CDH17: variants seen among roughly 807,000 people sequenced by gnomAD.
The protein encoded by CDH17 is cadherin 17.
A neutral mutation model predicts 86.3 loss-of-function variants in CDH17; 67 were observed. The ratio of observed to expected loss-of-function variants is 0.78; its 90% CI spans 0.64 to 0.95. The LOEUF is 0.95. Ranked by LOEUF, CDH17 falls within the 40% of genes least tolerant of loss-of-function variation. The pLI, the probability that CDH17 is intolerant of heterozygous loss-of-function variation, is 0.00. For synonymous variants in CDH17, 367 were observed against 366.4 expected (o/e 1.00, Z -0.02); for missense variants, 993 against 1,017.6 (o/e 0.98, Z 0.33).
At chr8:94,186,863 C>G (rs1302305281) in intron 3 of CDH17, among the ~76,000 whole-genome samples, 1 of 152,202 alleles carries the variant, frequency 6.6e-6, no homozygotes, top group Non-Finnish European at 1.5e-5. Flanking sequence ...AAGGGCTAGT[C>G]CAGCCCGTGC....
intron 15 of CDH17, among the ~76,000 whole-genome samples, chr8:94,132,758 T>C (rs536083209): frequency 3.3e-5 from 5 of 152,346 alleles, no homozygotes; most frequent in Non-Finnish European, 7.3e-5. Context: ...GTCTTCTGAA[T>C]GGTATTGCCT....
chr8:94,209,830 G>C (rs1383375269), upstream of CDH17, among the ~76,000 whole-genome samples: 1 of 152,078 alleles, frequency 6.6e-6, no homozygotes, highest in East Asian at 1.9e-4. Flanking sequence ...CTGGAATCAA[G>C]GGCAAGCATC....
At chr8:94,189,978 C>T (rs188236764) in intron 2 of CDH17, among the ~76,000 whole-genome samples, 40 of 152,240 alleles carry the variant, frequency 2.6e-4, no homozygotes, top group African/African-American at 9.6e-4. Flanking sequence ...TCCAAAGACC[C>T]TAAACTTGAA....
chr8:94,178,347 G>A (rs1167967293), intron 3 of CDH17, among the ~76,000 whole-genome samples: 1 of 152,006 alleles, frequency 6.6e-6, no homozygotes, highest in Non-Finnish European at 1.5e-5. Context: ...TAAATTAAAA[G>A]CAATATCAAA....
intron 15 of CDH17, among the ~76,000 whole-genome samples, chr8:94,136,423 G>A (rs1264859324): frequency 1.3e-5 from 2 of 151,924 alleles, no homozygotes; most frequent in African/African-American, 4.8e-5. Flanking sequence ...TCTTCCACTT[G>A]ATTGAATCAG....
intron 15 of CDH17, among the ~76,000 whole-genome samples, chr8:94,141,358 T>C (rs1188460435): frequency 6.6e-6 from 1 of 151,864 alleles, no homozygotes; most frequent in African/African-American, 2.4e-5. Context: ...ACAGCTAACA[T>C]CATATTTAAT....
rs59942237 is a variant in CDH17 at position 94,148,541 on chromosome 8, CAAAAAAAAAAA to C, written c.1927+192_1927+202del. Among the ~76,000 whole-genome samples, 101 of 29,196 alleles carry C rather than the reference CAAAAAAAAAAA, an allele frequency of 3.5e-3. 1 individual carries two copies. The highest frequency in any genetic ancestry group is 8.6e-3 in the African/African-American group (86 of 10,020). 19.2% of individuals were successfully genotyped at this position (29,196 alleles called of 152,430 possible). On this transcript the variant is annotated intron_variant, in intron 14 of 17. Coordinates refer to ENST00000027335, the MANE Select transcript of CDH17 (RefSeq NM_004063.4). ...TGGGCAACAGAGCAAGACTCCATCTCAAAAAAAAAAAAAAAAAAAAAAAAAAAAGGAAGATA... is the reference window on the plus strand; with the variant it reads ...TGGGCAACAGAGCAAGACTCCATCTCAAAAAAAAAAAAAAAAAGGAAGATA...
chr8:94,208,677 T>C (rs1460514348), upstream of CDH17: 2 of 152,074 alleles, frequency 1.3e-5, no homozygotes, highest in Admixed American at 1.3e-4. Context: ...CTGGGTATCA[T>C]AAAAAGTGTC....
intron 1 of CDH17, among the ~76,000 whole-genome samples, chr8:94,215,737 T>C (rs1249623946): frequency 6.6e-6 from 1 of 152,112 alleles, no homozygotes; most frequent in Non-Finnish European, 1.5e-5. Context: ...TGAACTGACA[T>C]AAATATACAA....
intron 15 of CDH17, among the ~76,000 whole-genome samples, chr8:94,140,218 T>C (rs781277193): frequency 2.6e-5 from 4 of 152,076 alleles, no homozygotes; most frequent in South Asian, 2.1e-4. Context: ...ACCCAGGAGT[T>C]TGAGACAAGC....
At chr8:94,211,804 GCT>G (rs1359146533), upstream of CDH17, among the ~76,000 whole-genome samples, 1 of 152,106 alleles carries the variant, frequency 6.6e-6, no homozygotes, top group Non-Finnish European at 1.5e-5. Context: ...TATCTGTCTT[GCT>G]CTGTTAACTT....
chr8:94,130,860 A>T lies in CDH17; in HGVS notation c.2284+16T>A, dbSNP rs1462184025. 3.9e-6 allele frequency: 6 copies of T among 1,552,646 alleles called. No individual in the cohort carries two copies. In the Admixed American group the frequency reaches 1.0e-4, roughly 26 times the overall value. ...TGACAGATACTAGCCTGAGTTGCCT[A>T]TAGCAGAATATCTACCTGGTAAAGA... On this transcript the variant is annotated intron_variant, in intron 16 of 17. Coordinates refer to ENST00000027335, the MANE Select transcript of CDH17 (RefSeq NM_004063.4).
chr8:94,156,871 T>C (rs1812959381), intron 12 of CDH17, among the ~76,000 whole-genome samples: 1 of 152,188 alleles, frequency 6.6e-6, no homozygotes, highest in African/African-American at 2.4e-5. Context: ...ACTAGAAAGG[T>C]GCTACCATTT....
At chr8:94,157,515 A>G (rs1347723864) in intron 12 of CDH17, among the ~76,000 whole-genome samples, 1 of 152,194 alleles carries the variant, frequency 6.6e-6, no homozygotes, top group South Asian at 2.1e-4. Flanking sequence ...AGAGGTAGCT[A>G]TGATAGTCCT....
intron 1 of CDH17, among the ~76,000 whole-genome samples, chr8:94,204,175 G>T (rs1458818667): frequency 6.6e-6 from 1 of 152,010 alleles, no homozygotes; most frequent in African/African-American, 2.4e-5. Context: ...TGGGATACAT[G>T]TGCAGAACAT....
rs1052534662 is a variant in CDH17 at position 94,176,643 on chromosome 8, C to T, written c.322G>A (p.Gly108Ser). 9.3e-6 allele frequency: 15 copies of T among 1,613,334 alleles called. No individual in the cohort carries two copies. In the Admixed American group the frequency reaches 1.5e-4, roughly 16 times the overall value. ...ACTTTTATGGTGATAGGGACTGGAC[C>T]CTCCACTATAATTCCATTAGCGTCC... ...ALDANGIIVE[G>S]PVPITIKVKD... The change falls in exon 5 of 18, where the codon GGT (glycine) becomes AGT (serine). Residue 108 changes from glycine (G) to serine (S), a missense_variant. Physicochemically the swap from Gly to Ser is moderately conservative, Grantham distance 56. Transcript: ENST00000027335.
intron 5 of CDH17, among the ~76,000 whole-genome samples, chr8:94,174,721 C>T (rs1813339220): frequency 6.6e-6 from 1 of 152,078 alleles, no homozygotes. Flanking sequence ...CTGTGTGAGG[C>T]TAATTTTCCT....
chr8:94,134,853 C>G (rs758375914), intron 15 of CDH17, among the ~76,000 whole-genome samples: 5 of 152,090 alleles, frequency 3.3e-5, no homozygotes, highest in African/African-American at 1.2e-4. Flanking sequence ...GATTCTGGTA[C>G]GTTGTGTGTT....
chr8:94,128,001 GAGAA>G lies in CDH17; in HGVS notation c.*235_*238del, dbSNP rs1370749442. ...CCAGCTACTTAGGAAGCTGAGGCAG[GAGAA>G]TCATGTGAACCCAGGAGGCGGAGGT... On this transcript the variant is annotated 3_prime_UTR_variant, in exon 18 of 18. Coordinates refer to ENST00000027335, the MANE Select transcript of CDH17 (RefSeq NM_004063.4). 2.7e-6 allele frequency: 1 copy of G among 364,038 alleles called. No individual in the cohort carries two copies. The highest frequency in any genetic ancestry group is 5.0e-6 in the Non-Finnish European group (1 of 201,434). The allele number at this position is 364,038 out of a possible 1,614,324, so 22.6% of individuals were successfully genotyped here. A position where few individuals can be genotyped will look rare whatever the true frequency, so the allele number is the denominator to read the frequency against.
Sources: gnomAD v4.1 joint callset for allele counts (sites outside exome capture counted in the v4.1 genomes callset) on GRCh38, gnomAD v4.1.1 for gene constraint, MANE v1.5 for transcripts, NCBI Gene and HGNC (gene_info 2026-07-23, HGNC 2026-07-21) for gene names.